Variants in ELP2 observed in about 807,000 individuals in gnomAD.
ELP2 encodes elongator acetyltransferase complex subunit 2.
In ELP2, 90 loss-of-function variants were observed where a neutral mutation model predicts 119.2. That is an observed-to-expected ratio of 0.75 (90% CI 0.64 to 0.90). The LOEUF (loss-of-function observed/expected upper bound fraction) is 0.90. Among genes scored for constraint, ELP2 ranks in the 40% least tolerant of loss-of-function variants. The probability of loss-of-function intolerance (pLI) is 0.00; values close to 1 mark genes in which losing one functional copy is unlikely to be tolerated. For synonymous variants in ELP2, 339 were observed against 331.0 expected, an observed-to-expected ratio of 1.02 and a Z score of -0.26; for missense variants, 921 against 967.8, an observed-to-expected ratio of 0.95 and a Z score of 0.64.
intron 11 of ELP2, among the ~76,000 whole-genome samples, chr18:36,149,991 T>A (rs2090346961): frequency 6.6e-6 from 1 of 152,224 alleles, no homozygotes. Flanking sequence ...ATTTAATATC[T>A]TCTGTTCTGG....
chr18:36,151,432 CTGGT>C (rs1045854684), intron 11 of ELP2, among the ~76,000 whole-genome samples: 3 of 152,172 alleles, frequency 2.0e-5, no homozygotes, highest in Non-Finnish European at 4.4e-5. Context: ...GTGCAGTAAA[CTGGT>C]TTGGCATCCT....
chr18:36,133,690 T>C (rs1334622740), intron 2 of ELP2, among the ~76,000 whole-genome samples: 1 of 151,044 alleles, frequency 6.6e-6, no homozygotes, highest in South Asian at 2.1e-4. Context: ...TATTGGTTTT[T>C]CTTTTTATTC....
intron 13 of ELP2, among the ~76,000 whole-genome samples, chr18:36,157,260 G>C (rs200831787): frequency 6.6e-6 from 1 of 152,236 alleles, no homozygotes; most frequent in East Asian, 1.9e-4. Context: ...TTGAAAGAAG[G>C]AAAATTAAGT....
chr18:36,141,238 C>G, intron 6 of ELP2, 37 bp downstream of exon 6: 1 of 1,503,660 alleles, frequency 6.7e-7, no homozygotes, highest in South Asian at 1.1e-5. Flanking sequence ...GAATTATATT[C>G]TGCTTAGTTA....
chr18:36,143,788 A>T (rs2090116725), intron 8 of ELP2, among the ~76,000 whole-genome samples: 4 of 152,196 alleles, frequency 2.6e-5, no homozygotes, highest in Non-Finnish European at 5.9e-5. Context: ...TAAGATTTTT[A>T]AAATTGCTGA....
intron 21 of ELP2, among the ~76,000 whole-genome samples, chr18:36,172,442 G>C (rs1479201988): frequency 6.6e-6 from 1 of 152,176 alleles, no homozygotes; most frequent in Non-Finnish European, 1.5e-5. Flanking sequence ...AATGTCTTAA[G>C]ATATTTCATC....
Position 36,168,156 on chromosome 18 carries a change from G to A in ELP2, c.2076+934G>A, listed in dbSNP as rs73428980. ...CCTGCCTTCTTTAGTCACAGACAAG[G>A]TACAGATCACTGAAGTGGAGTGCTA... On this transcript the variant is annotated intron_variant, in intron 19 of 21. Transcript: ENST00000358232. Among the ~76,000 whole-genome samples the A allele has an allele frequency of 2.8e-3, 433 of 152,294 alleles. 1 individual carries two copies. The highest frequency in any genetic ancestry group is 1.0e-2 in the African/African-American group (415 of 41,558).
intron 19 of ELP2, 140 bp from the exon 20 acceptor site, chr18:36,169,923 A>G (rs2091026638): frequency 7.3e-6 from 8 of 1,100,022 alleles, no homozygotes; most frequent in Non-Finnish European, 2.7e-6. Flanking sequence ...AAGTCCTGGC[A>G]CACCATACAC....
At chr18:36,168,714 G>A (rs1384995759) in intron 19 of ELP2, among the ~76,000 whole-genome samples, 2 of 152,100 alleles carry the variant, frequency 1.3e-5, no homozygotes, top group East Asian at 3.9e-4. Flanking sequence ...TGGGGACACA[G>A]CCAAACCATA....
At chr18:36,174,390 A>G in intron 21 of ELP2, 95 bp from the exon 22 acceptor site, 1 of 1,228,218 alleles carries the variant, frequency 8.1e-7, no homozygotes, top group Admixed American at 2.1e-5. Flanking sequence ...TGCGATTTTA[A>G]AACCTGTACA....
Position 36,154,975 on chromosome 18 carries a change from A to G in ELP2, c.1251A>G (p.Pro417=), listed in dbSNP as rs1252316500. 1.9e-6 allele frequency: 3 copies of G among 1,613,868 alleles called. No homozygotes were observed. The highest frequency in any genetic ancestry group is 1.3e-5 in the African/African-American group (1 of 75,042). ...ATCAGACAACTAGACTTTTTGCTCC[A>G]TGGAAGAGAAAAGACCAATCACAGG... ...GTDQTTRLFA[P]WKRKDQSQVT... Residue 417 remains proline, a synonymous_variant, in exon 12 of 22, where the codon CCA becomes CCG. Coordinates refer to ENST00000358232, the MANE Select transcript of ELP2 (RefSeq NM_018255.4).
intron 18 of ELP2, 88 bp downstream of exon 18, chr18:36,164,755 A>G: frequency 7.7e-7 from 1 of 1,296,452 alleles, no homozygotes; most frequent in South Asian, 1.2e-5. Context: ...AGAGAAAGAT[A>G]ACAGAGTGAA....
intron 4 of ELP2, 42 bp downstream of exon 4, chr18:36,138,468 T>C: frequency 6.3e-7 from 1 of 1,598,152 alleles, no homozygotes. Context: ...TGAAATAATA[T>C]TTAACAAATG....
intron 7 of ELP2, 128 bp from the exon 8 acceptor site, chr18:36,142,698 G>C (rs1285777000): frequency 1.5e-6 from 1 of 650,968 alleles, no homozygotes; most frequent in Non-Finnish European, 2.6e-6. Flanking sequence ...TGAATTGGAG[G>C]GTAAGGAAAC....
chr18:36,146,561 C>T lies in ELP2; in HGVS notation c.1125+180C>T, dbSNP rs144292258. Among the ~76,000 whole-genome samples the T allele has an allele frequency of 2.7e-4, 41 of 152,216 alleles. No homozygotes were observed. In the East Asian group the frequency reaches 6.0e-3, roughly 22 times the overall value. ...AATTTGCATGTAGGTAAATTTGCTA[C>T]GTAAGTGCACTGTATTCCTTTAAGC... On this transcript the variant is annotated intron_variant, in intron 11 of 21. Transcript: ENST00000358232.
intron 7 of ELP2, 84 bp downstream of exon 7, chr18:36,142,431 T>G: frequency 8.5e-7 from 1 of 1,177,240 alleles, no homozygotes; most frequent in Non-Finnish European, 1.3e-6. Flanking sequence ...TGTTTTAATT[T>G]TTAAGTTTTC....
At position 36,143,044 on chromosome 18, in the gene ELP2, A is replaced by G. The variant is rs931311213; in HGVS notation, c.796+78A>G. ...TTGATTTTTTTTTCACCACCCACCT[A>G]TGTGAAGGATAGTTTTTCACAATTG... On this transcript the variant is annotated intron_variant, in intron 8 of 21. Coordinates refer to ENST00000358232, the MANE Select transcript of ELP2 (RefSeq NM_018255.4). The G allele has an allele frequency of 1.7e-5, 16 of 967,320 alleles. 1 individual carries two copies. The Middle Eastern group carries it at 6.7e-4, about 40-fold the overall frequency. 59.9% of individuals were successfully genotyped at this position (967,320 alleles called of 1,614,324 possible).
chr18:36,137,106 T>C (rs2089853909), intron 3 of ELP2: 1 of 152,208 alleles, frequency 6.6e-6, no homozygotes, highest in Admixed American at 6.6e-5. Context: ...GTGAATGTCA[T>C]TCCCCGTCTC....
intron 1 of ELP2, among the ~76,000 whole-genome samples, chr18:36,131,142 C>G (rs1366829518): frequency 6.6e-6 from 1 of 152,110 alleles, no homozygotes; most frequent in Non-Finnish European, 1.5e-5. Context: ...CCACTGGACT[C>G]CAGCCTGGGC....
Sources: allele counts gnomAD v4.1 joint callset (sites outside exome capture counted in the v4.1 genomes callset), GRCh38; gene constraint gnomAD v4.1.1; transcripts MANE v1.5; gene names NCBI Gene and HGNC (gene_info 2026-07-23, HGNC 2026-07-21).